The following DDAH1 variants were observed in gnomAD, a reference collection of about 807,000 sequenced individuals.
The protein encoded by DDAH1 is N(G),N(G)-dimethylarginine dimethylaminohydrolase 1.
Under a neutral mutation model 28.8 loss-of-function variants are expected in DDAH1, and 19 were observed. The observed-to-expected ratio is 0.66, with a 90% CI of 0.46 to 0.97. The LOEUF (loss-of-function observed/expected upper bound fraction) is 0.97, where lower values mean the gene tolerates loss of function less well. DDAH1 is among the 50% of genes least tolerant of loss of function. The pLI is 0.00. For synonymous variants in DDAH1, 153 were observed against 154.4 expected, an observed-to-expected ratio of 0.99 and a Z score of 0.07; for missense variants, 326 against 375.9, an observed-to-expected ratio of 0.87 and a Z score of 1.10.
chr1:85,546,076 G>A (rs1312115870), intron 1 of DDAH1, among the ~76,000 whole-genome samples: 1 of 150,882 alleles, frequency 6.6e-6, no homozygotes, highest in African/African-American at 2.4e-5. Context: ...CTAAAACAAA[G>A]TAAATGCTGA....
intron 2 of DDAH1, among the ~76,000 whole-genome samples, chr1:85,479,183 T>TTG (rs1557676064): frequency 9.2e-5 from 13 of 141,646 alleles, no homozygotes; most frequent in Non-Finnish European, 1.5e-4. Context: ...TTTTTTTTTT[T>TTG]TGAGACGGAG....
chr1:85,422,556 T>C (rs545649626), intron 1 of DDAH1, among the ~76,000 whole-genome samples: 1 of 152,332 alleles, frequency 6.6e-6, no homozygotes, highest in African/African-American at 2.4e-5. Context: ...GTATGATCCA[T>C]TTTGCATTAA....
At chr1:85,398,403 A>C (rs1651911889) in intron 1 of DDAH1, 2 of 152,234 alleles carry the variant, frequency 1.3e-5, no homozygotes, top group South Asian at 4.1e-4. Flanking sequence ...GTTGCAAAAG[A>C]AAAACTATAG....
chr1:85,443,505 T>C (rs1391328315), intron 1 of DDAH1, among the ~76,000 whole-genome samples: 4 of 152,202 alleles, frequency 2.6e-5, no homozygotes, highest in Non-Finnish European at 5.9e-5. Flanking sequence ...GTCTTGGCAA[T>C]GGGGGCTCTT....
chr1:85,551,631 T>C (rs1263441055), intron 1 of DDAH1, among the ~76,000 whole-genome samples: 1 of 152,192 alleles, frequency 6.6e-6, no homozygotes, highest in Non-Finnish European at 1.5e-5. Context: ...AGCTTTCTGC[T>C]CCTTCAAGGG....
At chr1:85,417,433 AT>A (rs1308965247) in intron 1 of DDAH1, among the ~76,000 whole-genome samples, 1 of 152,026 alleles carries the variant, frequency 6.6e-6, no homozygotes, top group Admixed American at 6.6e-5. Flanking sequence ...TCCATCCCCA[AT>A]ATCACCACCC....
At chr1:85,444,962 C>T (rs979435443) in intron 1 of DDAH1, among the ~76,000 whole-genome samples, 4 of 152,146 alleles carry the variant, frequency 2.6e-5, no homozygotes, top group Admixed American at 2.0e-4. Context: ...AGATCCTGTC[C>T]AAGTTCCAAA....
At chr1:85,374,257 A>G (rs1466224256) in intron 1 of DDAH1, among the ~76,000 whole-genome samples, 1 of 152,072 alleles carries the variant, frequency 6.6e-6, no homozygotes, top group African/African-American at 2.4e-5. Flanking sequence ...TTTTAGACTG[A>G]ACTCAAAACA....
chr1:85,505,007 C>T (rs58990206), intron 1 of DDAH1, among the ~76,000 whole-genome samples: 2,891 of 70,028 alleles, frequency 0.041, 481 homozygotes, highest in African/African-American at 0.18. Flanking sequence ...TTTTTTGAGA[C>T]GGAGTTTCAC....
At chr1:85,483,379 C>G (rs1656077614) in intron 2 of DDAH1, among the ~76,000 whole-genome samples, 1 of 152,098 alleles carries the variant, frequency 6.6e-6, no homozygotes, top group Non-Finnish European at 1.5e-5. Context: ...AACTTCTGCC[C>G]TCATCAAGAC....
At chr1:85,337,893 G>T (rs1648239920) in intron 4 of DDAH1, among the ~76,000 whole-genome samples, 1 of 152,182 alleles carries the variant, frequency 6.6e-6, no homozygotes, top group Admixed American at 6.5e-5. Flanking sequence ...AGAGAAAAGA[G>T]CTGCCAGTCC....
intron 2 of DDAH1, among the ~76,000 whole-genome samples, chr1:85,481,426 G>A (rs1656012404): frequency 6.6e-6 from 1 of 152,056 alleles, no homozygotes; most frequent in Non-Finnish European, 1.5e-5. Flanking sequence ...TAAGAGTTAT[G>A]TCTAGTCCAA....
intron 1 of DDAH1, among the ~76,000 whole-genome samples, chr1:85,426,083 C>T (rs991398114): frequency 1.3e-5 from 2 of 152,140 alleles, no homozygotes; most frequent in South Asian, 2.1e-4. Context: ...TTGATGAATA[C>T]ATACGTAACA....
At chr1:85,575,022 T>C (rs1245102850) in intron 1 of DDAH1, among the ~76,000 whole-genome samples, 1 of 152,082 alleles carries the variant, frequency 6.6e-6, no homozygotes, top group African/African-American at 2.4e-5. Flanking sequence ...GGCAGATCGC[T>C]TGAGCCCAGG....
chr1:85,463,225 T>C (rs1655204258), intron 1 of DDAH1, among the ~76,000 whole-genome samples: 1 of 152,350 alleles, frequency 6.6e-6, no homozygotes. Context: ...AAAAGATCAC[T>C]GCTCACTTAG....
chr1:85,456,360 G>A (rs1163353497), intron 1 of DDAH1, among the ~76,000 whole-genome samples: 2 of 152,166 alleles, frequency 1.3e-5, no homozygotes, highest in African/African-American at 4.8e-5. Context: ...CATTGACATG[G>A]GTAATGTACA....
rs554498616 is a variant in DDAH1 at position 85,360,491 on chromosome 1, T to G, written c.304-1644A>C. Reference sequence around the variant, plus strand: ...CTATGAACCCAGGAAAACACAACTGTTTCCTTTTGACATCTCTGCTTCTTT... The same window carrying G: ...CTATGAACCCAGGAAAACACAACTGGTTCCTTTTGACATCTCTGCTTCTTT... On this transcript the variant is annotated intron_variant, in intron 1 of 5. Coordinates refer to ENST00000284031, the MANE Select transcript of DDAH1 (RefSeq NM_012137.4). Among the ~76,000 whole-genome samples the G allele has an allele frequency of 8.5e-4, 130 of 152,310 alleles. 4 individuals carry two copies. In the South Asian group the frequency reaches 0.025, roughly 30 times the overall value.
chr1:85,428,358 T>C (rs1281204575), intron 1 of DDAH1, among the ~76,000 whole-genome samples: 1 of 152,158 alleles, frequency 6.6e-6, no homozygotes, highest in Non-Finnish European at 1.5e-5. Context: ...AAGTCATGTC[T>C]TACATGGTGG....
chr1:85,421,483 T>C (rs1653139355), intron 1 of DDAH1, among the ~76,000 whole-genome samples: 1 of 152,142 alleles, frequency 6.6e-6, no homozygotes, highest in Admixed American at 6.5e-5. Context: ...TAAGTTTGCA[T>C]ACATTGAGGT....
Sources: allele counts gnomAD v4.1 joint callset (sites outside exome capture counted in the v4.1 genomes callset), GRCh38; gene constraint gnomAD v4.1.1; transcripts MANE v1.5; gene names NCBI Gene and HGNC (gene_info 2026-07-23, HGNC 2026-07-21).